The following USP12 variants were observed in gnomAD, a reference collection of about 807,000 sequenced individuals.
USP12 encodes the protein ubiquitin specific peptidase 12.
In USP12, 19 loss-of-function variants were observed where a neutral mutation model predicts 45.5. The ratio of observed to expected loss-of-function variants is 0.42; its 90% CI spans 0.29 to 0.61. The LOEUF (loss-of-function observed/expected upper bound fraction) is 0.61, where lower values mean the gene tolerates loss of function less well. Among genes scored for constraint, USP12 ranks in the 20% least tolerant of loss-of-function variants. The pLI is 0.22. For synonymous variants in USP12, 149 were observed against 148.8 expected, an observed-to-expected ratio of 1.00 and a Z score of -0.01; for missense variants, 242 against 447.7, an observed-to-expected ratio of 0.54 and a Z score of 4.15.
chr13:27,089,936 A>T lies in USP12; in HGVS notation c.681T>A (p.Ser227Arg), dbSNP rs1874237307. 2 of 1,611,182 alleles carry T rather than the reference A, an allele frequency of 1.2e-6. No individual in the cohort carries two copies. The highest frequency in any genetic ancestry group is 2.2e-5 in the South Asian group (2 of 90,658). Residue 227 changes from serine (S) to arginine (R), a missense_variant, in exon 6 of 9, where the codon AGT (serine) becomes AGA (arginine). Coordinates refer to ENST00000282344, the MANE Select transcript of USP12 (RefSeq NM_182488.4). ...RGFSNTETLC[S>R]EYKYYCEECR... The stretch of plus-strand genomic sequence containing the variant: ...ACTCTTCACAGTAATACTTGTATTC[A>T]CTGCACAGAGTTTCTGTGTTGCTGA...
chr13:27,066,525 T>C lies in USP12; in HGVS notation c.*2758A>G, dbSNP rs1353208399. 6.6e-6 allele frequency: 1 copy of C among 152,178 alleles called. No homozygotes were observed. The allele number at this position is 152,178 out of a possible 1,614,324, so 9.4% of individuals were successfully genotyped here. A position where few individuals can be genotyped will look rare whatever the true frequency, so the allele number is the denominator to read the frequency against. On this transcript the variant is annotated 3_prime_UTR_variant, in exon 9 of 9. Coordinates refer to ENST00000282344, the MANE Select transcript of USP12 (RefSeq NM_182488.4). ...AAAGAAAAAACCCTATACTGATGGTTAGAGGCCCCAAGACCCACATAATAC... is the reference window on the plus strand; with the variant it reads ...AAAGAAAAAACCCTATACTGATGGTCAGAGGCCCCAAGACCCACATAATAC...
intron 3 of USP12, among the ~76,000 whole-genome samples, chr13:27,102,553 C>CCATCCTT (rs1251797317): frequency 2.6e-5 from 4 of 152,208 alleles, no homozygotes; most frequent in Admixed American, 6.5e-5. Flanking sequence ...AATTTTCTTT[C>CCATCCTT]CATCCTTCAA....
At chr13:27,148,606 G>A (rs767031088) in intron 1 of USP12, among the ~76,000 whole-genome samples, 92 of 149,044 alleles carry the variant, frequency 6.2e-4, no homozygotes, top group Non-Finnish European at 9.5e-4. Flanking sequence ...CCCGGGAGGC[G>A]GAGGTTGCAG....
chr13:27,130,268 C>G (rs1176614204), intron 1 of USP12, among the ~76,000 whole-genome samples: 1 of 152,142 alleles, frequency 6.6e-6, no homozygotes, highest in African/African-American at 2.4e-5. Flanking sequence ...AGGCTGCAAC[C>G]TTTCTTGTTT....
At chr13:27,114,958 C>T (rs941183922) in intron 2 of USP12, among the ~76,000 whole-genome samples, 1 of 152,294 alleles carries the variant, frequency 6.6e-6, no homozygotes, top group East Asian at 1.9e-4. Flanking sequence ...ACACTCCAGC[C>T]TGCTGCATGG....
chr13:27,155,561 C>A (rs1877796635), intron 1 of USP12, among the ~76,000 whole-genome samples: 1 of 152,016 alleles, frequency 6.6e-6, no homozygotes, highest in South Asian at 2.1e-4. Flanking sequence ...AGTAACTGTA[C>A]CTGGTTAGTT....
intron 7 of USP12, among the ~76,000 whole-genome samples, chr13:27,072,682 C>G (rs1240614264): frequency 1.3e-5 from 2 of 152,082 alleles, no homozygotes; most frequent in South Asian, 2.1e-4. Flanking sequence ...CCTCATCCAG[C>G]AAGACAGGAG....
chr13:27,126,629 C>T (rs1017521356), intron 1 of USP12, among the ~76,000 whole-genome samples: 2 of 152,174 alleles, frequency 1.3e-5, no homozygotes, highest in Non-Finnish European at 2.9e-5. Flanking sequence ...ATAAACTAAA[C>T]TACTGAGCCA....
intron 6 of USP12, among the ~76,000 whole-genome samples, chr13:27,082,488 T>G (rs117228016): frequency 0.047 from 7,124 of 152,334 alleles, 187 homozygotes; most frequent in Admixed American, 0.076. Flanking sequence ...AAGGCTGTTT[T>G]GCTTTCTTAT....
At chr13:27,159,258 C>G (rs1012652955) in intron 1 of USP12, among the ~76,000 whole-genome samples, 1 of 152,136 alleles carries the variant, frequency 6.6e-6, no homozygotes, top group Non-Finnish European at 1.5e-5. Flanking sequence ...AATCCTCACT[C>G]TGGTAGTTCA....
chr13:27,144,754 T>C (rs1877236012), intron 1 of USP12, among the ~76,000 whole-genome samples: 1 of 151,214 alleles, frequency 6.6e-6, no homozygotes, highest in Admixed American at 6.6e-5. Context: ...GTTGTTTTTT[T>C]TTTTTCCCCC....
chr13:27,084,248 C>CTGTAATCCCA (rs1873903556), intron 6 of USP12, among the ~76,000 whole-genome samples: 1 of 151,004 alleles, frequency 6.6e-6, no homozygotes, highest in East Asian at 1.9e-4. Flanking sequence ...TGGCTCATGC[C>CTGTAATCCCA]TGTAATCCCA....
chr13:27,141,573 A>G (rs1877059702), intron 1 of USP12, among the ~76,000 whole-genome samples: 1 of 152,248 alleles, frequency 6.6e-6, no homozygotes. Context: ...CACAGGAGCC[A>G]GCTTGAAGCT....
chr13:27,168,044 A>G (rs1014564402), intron 1 of USP12, among the ~76,000 whole-genome samples: 1 of 152,228 alleles, frequency 6.6e-6, no homozygotes, highest in Non-Finnish European at 1.5e-5. Context: ...TTCAGCAAGT[A>G]AAGTTTACCA....
chr13:27,087,721 C>G (rs998340483), intron 6 of USP12, among the ~76,000 whole-genome samples: 1 of 152,134 alleles, frequency 6.6e-6, no homozygotes, highest in Admixed American at 6.5e-5. Flanking sequence ...GCAAAATGAG[C>G]CTGAACAGCT....
intron 1 of USP12, among the ~76,000 whole-genome samples, chr13:27,159,519 ATAT>A (rs1878007209): frequency 6.6e-6 from 1 of 152,240 alleles, no homozygotes; most frequent in African/African-American, 2.4e-5. Flanking sequence ...TTCTCTATCA[ATAT>A]CCAGTAACAT....
chr13:27,153,737 C>G (rs1877689541), intron 1 of USP12, among the ~76,000 whole-genome samples: 2 of 152,164 alleles, frequency 1.3e-5, no homozygotes, highest in Non-Finnish European at 2.9e-5. Context: ...AAGAACCACT[C>G]ATACCTAACA....
intron 1 of USP12, among the ~76,000 whole-genome samples, chr13:27,148,913 A>G (rs1000612526): frequency 6.6e-6 from 1 of 151,820 alleles, no homozygotes; most frequent in Non-Finnish European, 1.5e-5. Flanking sequence ...GGCCAGATAC[A>G]ATGGCTCATG....
chr13:27,171,337 G>A (rs1434567418), intron 1 of USP12, among the ~76,000 whole-genome samples: 2 of 148,598 alleles, frequency 1.3e-5, no homozygotes, highest in Non-Finnish European at 3.0e-5. Context: ...TGGCACGGTC[G>A]CCCACTCACC....
Sources: allele counts gnomAD v4.1 joint callset (sites outside exome capture counted in the v4.1 genomes callset), GRCh38; gene constraint gnomAD v4.1.1; transcripts MANE v1.5; gene names NCBI Gene and HGNC (gene_info 2026-07-23, HGNC 2026-07-21).